Variants in XIRP2 observed in about 807,000 individuals in gnomAD.
XIRP2 encodes the protein xin actin-binding repeat-containing protein 2.
Under a neutral mutation model 277.0 loss-of-function variants are expected in XIRP2, and 236 were observed. The ratio of observed to expected loss-of-function variants is 0.85; its 90% CI spans 0.77 to 0.95. The LOEUF is 0.95. Ranked by LOEUF, XIRP2 falls within the 40% of genes least tolerant of loss-of-function variation. The pLI, the probability that XIRP2 is intolerant of heterozygous loss-of-function variation, is 0.00. For synonymous variants in XIRP2, 1,490 were observed against 1,416.5 expected (o/e 1.05, Z -1.17); for missense variants, 4,640 against 4,157.5 (o/e 1.12, Z -3.19).
rs766202633 is a variant in XIRP2 at position 167,243,581 on chromosome 2, A to G, written c.2189A>G (p.Lys730Arg). ...CTCAAAGAAATTAAGGGAAATGTTA[A>G]AAGAAGTATAAAATGTTTCGAAACT... ...SELKEIKGNV[K>R]RSIKCFETQP... Residue 730 changes from lysine (K) to arginine (R), a missense_variant, in exon 9 of 11, where the codon AAA becomes AGA. By Grantham distance (26) the Lys-to-Arg change is conservative (BLOSUM62 2). Transcript: ENST00000409195. The G allele has an allele frequency of 1.2e-6, 2 of 1,614,028 alleles. No homozygotes were observed. Among genetic ancestry groups the G allele is most frequent in the East Asian group, 4.5e-5 (2 of 44,864 alleles).
At chr2:166,909,281 T>C (rs1308876622) in intron 2 of XIRP2, among the ~76,000 whole-genome samples, 1 of 152,232 alleles carries the variant, frequency 6.6e-6, no homozygotes, top group Non-Finnish European at 1.5e-5. Context: ...TTCTGACCTC[T>C]TTTATTTCGT....
chr2:167,061,054 A>G (rs1464216467), intron 2 of XIRP2, among the ~76,000 whole-genome samples: 1 of 152,148 alleles, frequency 6.6e-6, no homozygotes, highest in African/African-American at 2.4e-5. Flanking sequence ...TTATAGTATT[A>G]AAGCATACAG....
At chr2:167,071,379 T>C (rs760874220) in intron 2 of XIRP2, among the ~76,000 whole-genome samples, 1 of 152,146 alleles carries the variant, frequency 6.6e-6, no homozygotes. Context: ...AAAAGTAATA[T>C]GAGTTACAAA....
intron 2 of XIRP2, among the ~76,000 whole-genome samples, chr2:166,968,710 T>C (rs1189203975): frequency 6.6e-6 from 1 of 152,024 alleles, no homozygotes; most frequent in Non-Finnish European, 1.5e-5. Context: ...GTATAAATCA[T>C]GCTAAATCAT....
chr2:167,127,574 T>A (rs1250174541), intron 2 of XIRP2, among the ~76,000 whole-genome samples: 1 of 152,158 alleles, frequency 6.6e-6, no homozygotes, highest in African/African-American at 2.4e-5. Flanking sequence ...TCTAATTCAA[T>A]AATAATTGAG....
chr2:166,910,453 G>GTGA (rs1455982122), intron 2 of XIRP2, among the ~76,000 whole-genome samples: 1 of 151,958 alleles, frequency 6.6e-6, no homozygotes, highest in African/African-American at 2.4e-5. Flanking sequence ...GGGATCGGTG[G>GTGA]TGATATTCCC....
At chr2:166,927,731 A>G (rs1474993877) in intron 2 of XIRP2, among the ~76,000 whole-genome samples, 2 of 152,106 alleles carry the variant, frequency 1.3e-5, no homozygotes, top group Non-Finnish European at 2.9e-5. Flanking sequence ...TCCCTTTGCC[A>G]TGTGTGGCCA....
intron 2 of XIRP2, among the ~76,000 whole-genome samples, chr2:167,100,430 T>C (rs1285143209): frequency 6.6e-6 from 1 of 152,222 alleles, no homozygotes; most frequent in East Asian, 1.9e-4. Context: ...ATATGTGATA[T>C]ACTAGCCTGT....
rs771054377 is a variant in XIRP2 at position 167,246,662 on chromosome 2, A to G, written c.5270A>G (p.Tyr1757Cys). The G allele has an allele frequency of 1.2e-6, 2 of 1,613,806 alleles. No individual in the cohort carries two copies. Among genetic ancestry groups the G allele is most frequent in the Admixed American group, 1.7e-5 (1 of 59,994 alleles). Residue 1757 changes from tyrosine (Y) to cysteine (C), a missense_variant, in exon 9 of 11, where the codon TAT (tyrosine) becomes TGT (cysteine). Transcript: ENST00000409195. ...TGCATAGAAGCTGGAGCTTTGGATT[A>G]TCTGAAACAACTCCACACAGAGTCA... ...TTCIEAGALD[Y>C]LKQLHTESNE...
intron 2 of XIRP2, among the ~76,000 whole-genome samples, chr2:167,004,551 CAT>C (rs1315203620): frequency 6.6e-6 from 1 of 151,792 alleles, no homozygotes; most frequent in Non-Finnish European, 1.5e-5. Flanking sequence ...AAGAAGATGT[CAT>C]ATCTCGGCTG....
At chr2:166,938,724 G>T (rs1242495138) in intron 2 of XIRP2, among the ~76,000 whole-genome samples, 3 of 152,256 alleles carry the variant, frequency 2.0e-5, no homozygotes, top group African/African-American at 4.8e-5. Flanking sequence ...TATTGTGTGG[G>T]AGTCTAAGTC....
intron 5 of XIRP2, among the ~76,000 whole-genome samples, chr2:167,224,353 C>T (rs1694527256): frequency 6.6e-6 from 1 of 152,160 alleles, no homozygotes; most frequent in Non-Finnish European, 1.5e-5. Context: ...TGCATCTCAG[C>T]CTCCTGAGTA....
At chr2:167,025,746 T>C (rs1010189200) in intron 2 of XIRP2, among the ~76,000 whole-genome samples, 2 of 152,282 alleles carry the variant, frequency 1.3e-5, no homozygotes, top group Middle Eastern at 3.4e-3. Flanking sequence ...TTGTTCAGTT[T>C]CCATGTAGTT....
At chr2:167,201,919 C>T (rs1317613746) in intron 3 of XIRP2, among the ~76,000 whole-genome samples, 3 of 152,160 alleles carry the variant, frequency 2.0e-5, no homozygotes, top group East Asian at 3.9e-4. Context: ...AAATCAACTC[C>T]GGGTTCAGCT....
intron 2 of XIRP2, among the ~76,000 whole-genome samples, chr2:167,121,075 T>C (rs527936291): frequency 1.1e-3 from 167 of 152,286 alleles, no homozygotes; most frequent in Middle Eastern, 3.4e-3. Flanking sequence ...AATAACTGTG[T>C]TGTGTTCACT....
intron 2 of XIRP2, among the ~76,000 whole-genome samples, chr2:167,050,335 G>A (rs939846340): frequency 1.3e-5 from 2 of 151,852 alleles, no homozygotes; most frequent in Non-Finnish European, 2.9e-5. Flanking sequence ...TGGTTATATC[G>A]GATTTAAATG....
At chr2:167,022,078 T>C (rs1013684249) in intron 2 of XIRP2, among the ~76,000 whole-genome samples, 4 of 152,140 alleles carry the variant, frequency 2.6e-5, no homozygotes, top group African/African-American at 9.7e-5. Context: ...TTTGGAATGC[T>C]TGAAGAACTG....
At chr2:166,966,041 G>A (rs1686425425) in intron 2 of XIRP2, among the ~76,000 whole-genome samples, 1 of 151,652 alleles carries the variant, frequency 6.6e-6, no homozygotes, top group Non-Finnish European at 1.5e-5. Context: ...TTAATAACTT[G>A]AGTCAATGAC....
At chr2:167,185,470 A>G (rs575179901) in intron 3 of XIRP2, among the ~76,000 whole-genome samples, 4 of 151,512 alleles carry the variant, frequency 2.6e-5, no homozygotes, top group Middle Eastern at 3.5e-3. Context: ...AAGTTTGAAG[A>G]AAAGTTATCA....
Sources: allele counts gnomAD v4.1 joint callset (sites outside exome capture counted in the v4.1 genomes callset), GRCh38; gene constraint gnomAD v4.1.1; transcripts MANE v1.5; gene names NCBI Gene and HGNC (gene_info 2026-07-23, HGNC 2026-07-21).